The following TENM2 variants were observed in gnomAD, a reference collection of about 807,000 sequenced individuals.
The protein encoded by TENM2 is teneurin transmembrane protein 2.
Under a neutral mutation model 245.2 loss-of-function variants are expected in TENM2, and 52 were observed. The ratio of observed to expected loss-of-function variants is 0.21; its 90% CI spans 0.17 to 0.27. The LOEUF (loss-of-function observed/expected upper bound fraction) is 0.27, where lower values mean the gene tolerates loss of function less well. TENM2 is among the 10% of genes least tolerant of loss of function. The probability of loss-of-function intolerance (pLI) is 1.00; values close to 1 mark genes in which losing one functional copy is unlikely to be tolerated. For synonymous variants in TENM2, 1,363 were observed against 1,438.9 expected, an observed-to-expected ratio of 0.95 and a Z score of 1.19; for missense variants, 3,046 against 3,666.8, an observed-to-expected ratio of 0.83 and a Z score of 4.37.
chr5:167,828,094 A>C (rs534389912), intron 2 of TENM2, among the ~76,000 whole-genome samples: 1 of 152,350 alleles, frequency 6.6e-6, no homozygotes, highest in African/African-American at 2.4e-5. Flanking sequence ...TGTCCTAGAC[A>C]AATGTTAAAT....
At chr5:167,787,737 G>T (rs1283752369) in intron 2 of TENM2, among the ~76,000 whole-genome samples, 1 of 152,206 alleles carries the variant, frequency 6.6e-6, no homozygotes, top group Admixed American at 6.5e-5. Flanking sequence ...GTGGAATCAG[G>T]TGTTCACCTG....
rs189148903 is a variant in TENM2, at chr5:168,031,456, G to C, written c.1187-15971G>C. ...CTTCTGGACAGTTCACACAATAATTGCTCTTTGTCGGGTTCTTAACTGTGT... is the reference window on the plus strand; with the variant it reads ...CTTCTGGACAGTTCACACAATAATTCCTCTTTGTCGGGTTCTTAACTGTGT... On this transcript the variant is annotated intron_variant, in intron 5 of 28. Coordinates refer to ENST00000518659, the Ensembl canonical transcript of TENM2. Among the ~76,000 whole-genome samples the C allele has an allele frequency of 7.2e-5, 11 of 152,266 alleles. No homozygotes were observed. The East Asian group carries it at 2.1e-3, about 29-fold the overall frequency.
At chr5:167,844,798 T>TG (rs1561846621) in intron 2 of TENM2, among the ~76,000 whole-genome samples, 1 of 149,784 alleles carries the variant, frequency 6.7e-6, no homozygotes, top group African/African-American at 2.5e-5. Flanking sequence ...GGTTTGAGTT[T>TG]GGGGGTTTTC....
the TENM2 span, among the ~76,000 whole-genome samples, chr5:167,242,709 AAT>A: frequency 6.6e-6 from 1 of 152,180 alleles, no homozygotes; most frequent in East Asian, 1.9e-4. Context: ...TACAGTATGT[AAT>A]ATATATAACA....
chr5:167,674,159 G>A (rs982324703), intron 2 of TENM2, among the ~76,000 whole-genome samples: 3 of 152,118 alleles, frequency 2.0e-5, no homozygotes, highest in Non-Finnish European at 4.4e-5. Context: ...TGTTGACGTT[G>A]AATAGCTGCC....
intron 2 of TENM2, chr5:167,755,151 C>T: frequency 2.5e-6 from 4 of 1,599,070 alleles, no homozygotes; most frequent in Non-Finnish European, 2.5e-6. Flanking sequence ...TCACCTCAGT[C>T]TGTGAGTTTT....
At chr5:167,585,140 C>A (rs1417001369) in intron 2 of TENM2, among the ~76,000 whole-genome samples, 1 of 152,166 alleles carries the variant, frequency 6.6e-6, no homozygotes, top group Non-Finnish European at 1.5e-5. Flanking sequence ...TTCAAAGTGT[C>A]CTAGGGCATC....
chr5:167,459,641 A>G (rs1164390687), intron 2 of TENM2, among the ~76,000 whole-genome samples: 1 of 152,178 alleles, frequency 6.6e-6, no homozygotes, highest in Non-Finnish European at 1.5e-5. Flanking sequence ...AACAGTGCAT[A>G]AGCATGCCAA....
intron 2 of TENM2, among the ~76,000 whole-genome samples, chr5:167,766,141 C>G (rs1303530813): frequency 6.6e-6 from 1 of 152,122 alleles, no homozygotes; most frequent in African/African-American, 2.4e-5. Context: ...AGGAGGGGAG[C>G]CACTGGATCA....
intron 2 of TENM2, chr5:167,653,519 T>G (rs1754617271): frequency 2.0e-5 from 3 of 152,218 alleles, no homozygotes; most frequent in African/African-American, 7.2e-5. Context: ...CCCACTTTTT[T>G]TTTCTTTTGC....
intron 2 of TENM2, among the ~76,000 whole-genome samples, chr5:167,410,900 C>T (rs563362908): frequency 1.3e-5 from 2 of 152,192 alleles, no homozygotes; most frequent in African/African-American, 2.4e-5. Flanking sequence ...GCTACTCCTG[C>T]ATGTAGTTTA....
the TENM2 span, among the ~76,000 whole-genome samples, chr5:167,180,358 C>A: frequency 6.6e-6 from 1 of 152,080 alleles, no homozygotes; most frequent in Non-Finnish European, 1.5e-5. Context: ...ATCTGCCCGC[C>A]TCAGCCTCCC....
intron 8 of TENM2, among the ~76,000 whole-genome samples, chr5:168,097,581 C>T (rs1035426609): frequency 1.3e-4 from 19 of 145,596 alleles, no homozygotes; most frequent in East Asian, 6.2e-4. Flanking sequence ...TGCATCACCA[C>T]GTCCAGCTAA....
At position 167,678,233 on chromosome 5, in the gene TENM2, T is replaced by C. The variant is rs534979456; in HGVS notation, c.503-197753T>C. Among the ~76,000 whole-genome samples the C allele has an allele frequency of 3.9e-5, 6 of 152,274 alleles. No individual in the cohort carries two copies. The East Asian group carries it at 1.2e-3, about 29-fold the overall frequency. On this transcript the variant is annotated intron_variant, in intron 2 of 28. Transcript: ENST00000518659. ...TTTGTGATTTTTATTTTGTATTTCCTAATTCTCTACGATTAACATATGTTA... is the reference window on the plus strand; with the variant it reads ...TTTGTGATTTTTATTTTGTATTTCCCAATTCTCTACGATTAACATATGTTA...
intron 4 of TENM2, among the ~76,000 whole-genome samples, chr5:167,962,010 G>C (rs867660332): frequency 3.9e-5 from 6 of 152,338 alleles, no homozygotes; most frequent in African/African-American, 1.4e-4. Flanking sequence ...GATGCAATCA[G>C]TTGGTTTTCT....
chr5:167,139,689 C>G, the TENM2 span, among the ~76,000 whole-genome samples: 2 of 152,140 alleles, frequency 1.3e-5, no homozygotes, highest in African/African-American at 4.8e-5. Context: ...ATGCTCTATG[C>G]AATTCATATA....
intron 9 of TENM2, among the ~76,000 whole-genome samples, chr5:168,107,146 C>T (rs1794309577): frequency 6.6e-6 from 1 of 152,192 alleles, no homozygotes; most frequent in Admixed American, 6.5e-5. Flanking sequence ...CGTTCCATCA[C>T]CTTCCTCTTC....
intron 3 of TENM2, among the ~76,000 whole-genome samples, chr5:167,944,874 A>G (rs1779484202): frequency 6.6e-6 from 1 of 152,242 alleles, no homozygotes; most frequent in Admixed American, 6.5e-5. Flanking sequence ...AGAGGTGATC[A>G]GGCAGCAAGT....
intron 7 of TENM2, among the ~76,000 whole-genome samples, chr5:168,067,101 G>A (rs1280241640): frequency 6.6e-6 from 1 of 152,174 alleles, no homozygotes; most frequent in Non-Finnish European, 1.5e-5. Flanking sequence ...GAGCCCTGCT[G>A]GGACTTCACC....
Sources: allele counts gnomAD v4.1 joint callset (sites outside exome capture counted in the v4.1 genomes callset), GRCh38; gene constraint gnomAD v4.1.1; transcripts MANE v1.5; gene names NCBI Gene and HGNC (gene_info 2026-07-23, HGNC 2026-07-21).